The following CDH2 variants were observed in gnomAD, a reference collection of about 807,000 sequenced individuals.
CDH2 encodes the protein cadherin 2.
CDH2 carries 17 observed loss-of-function variants against 92.0 expected under a neutral mutation model. The observed-to-expected ratio is 0.18, with a 90% confidence interval of 0.13 to 0.28. The LOEUF is 0.28. CDH2 is among the 10% of genes least tolerant of loss of function. The probability of loss-of-function intolerance (pLI) is 1.00; values close to 1 mark genes in which losing one functional copy is unlikely to be tolerated. For synonymous variants in CDH2, 419 were observed against 415.9 expected (o/e 1.01, Z -0.09); for missense variants, 862 against 1,133.1 (o/e 0.76, Z 3.44).
intron 2 of CDH2, among the ~76,000 whole-genome samples, chr18:28,123,111 T>C (rs1394416507): frequency 1.3e-5 from 2 of 152,098 alleles, no homozygotes; most frequent in African/African-American, 4.8e-5. Flanking sequence ...AAAGCTGATA[T>C]CCCAAATAGT....
intron 6 of CDH2, among the ~76,000 whole-genome samples, chr18:27,945,616 C>T (rs1429330754): frequency 1.3e-5 from 2 of 151,914 alleles, no homozygotes; most frequent in East Asian, 3.9e-4. Context: ...GGAAAAGGAG[C>T]CTGGTTGTTG....
At chr18:28,001,385 C>T (rs1385447521) in intron 7 of CDH2, among the ~76,000 whole-genome samples, 1 of 152,138 alleles carries the variant, frequency 6.6e-6, no homozygotes, top group Non-Finnish European at 1.5e-5. Context: ...AGTCTCATTT[C>T]TGTATCTCAC....
chr18:28,074,329 G>A (rs1393560111), intron 2 of CDH2, among the ~76,000 whole-genome samples: 1 of 152,154 alleles, frequency 6.6e-6, no homozygotes, highest in Non-Finnish European at 1.5e-5. Flanking sequence ...CAGCATAACT[G>A]TGCAATGTTA....
intron 2 of CDH2, among the ~76,000 whole-genome samples, chr18:28,133,882 G>C (rs1489738879): frequency 6.6e-6 from 1 of 152,110 alleles, no homozygotes. Context: ...TTCTGGGCCA[G>C]GCACAGTGGT....
intron 13 of CDH2, among the ~76,000 whole-genome samples, chr18:27,983,368 G>C (rs2012122240): frequency 6.6e-6 from 1 of 152,110 alleles, no homozygotes. Context: ...CCATATATGG[G>C]GACAGTAACT....
In CDH2 at chr18:28,087,444, A is replaced by G. The variant is rs1014893560; in HGVS notation, c.172+60229T>C. On this transcript the variant is annotated intron_variant, in intron 2 of 15. Coordinates refer to ENST00000269141, the MANE Select transcript of CDH2 (RefSeq NM_001792.5). Reference sequence around the variant, plus strand: ...GCCAGAGCATTTTAAAATGCCCTCTATACATGACGGCATGCCAACACAAAC... The same window carrying G: ...GCCAGAGCATTTTAAAATGCCCTCTGTACATGACGGCATGCCAACACAAAC... Among the ~76,000 whole-genome samples the G allele has an allele frequency of 3.9e-5, 6 of 152,194 alleles. No homozygotes were observed. In the East Asian group the frequency reaches 7.7e-4, roughly 20 times the overall value.
chr18:28,008,290 G>A (rs143611863), intron 5 of CDH2, among the ~76,000 whole-genome samples: 27 of 152,184 alleles, frequency 1.8e-4, no homozygotes, highest in African/African-American at 6.0e-4. Flanking sequence ...TTTGTGAGAC[G>A]TTTGGAAGTT....
intron 2 of CDH2, among the ~76,000 whole-genome samples, chr18:28,126,317 G>C (rs961786315): frequency 1.3e-5 from 2 of 152,020 alleles, no homozygotes; most frequent in Admixed American, 6.6e-5. Context: ...AAATCAAAGT[G>C]AACTATTTAT....
intron 2 of CDH2, among the ~76,000 whole-genome samples, chr18:28,017,597 G>A (rs1480289026): frequency 6.6e-6 from 1 of 151,516 alleles, no homozygotes; most frequent in African/African-American, 2.4e-5. Flanking sequence ...ATCTTTTTTG[G>A]TTTCAACTGC....
At chr18:28,053,128 C>T (rs2014224861) in intron 2 of CDH2, among the ~76,000 whole-genome samples, 1 of 152,056 alleles carries the variant, frequency 6.6e-6, no homozygotes, top group African/African-American at 2.4e-5. Flanking sequence ...CTCAGACTTC[C>T]AGCCTTTAGA....
At chr18:28,000,636 T>C (rs1044604046) in intron 7 of CDH2, among the ~76,000 whole-genome samples, 1 of 152,088 alleles carries the variant, frequency 6.6e-6, no homozygotes, top group African/African-American at 2.4e-5. Context: ...CCAGGAATAC[T>C]ACCAGCAAGT....
At chr18:27,934,802 C>T (rs951747678) in intron 6 of CDH2, among the ~76,000 whole-genome samples, 13 of 152,156 alleles carry the variant, frequency 8.5e-5, no homozygotes, top group Non-Finnish European at 1.3e-4. Context: ...TATTTGGGCC[C>T]GGCAGACTCC....
chr18:28,088,876 G>C (rs923151397), intron 2 of CDH2, among the ~76,000 whole-genome samples: 1 of 152,080 alleles, frequency 6.6e-6, no homozygotes, highest in Non-Finnish European at 1.5e-5. Flanking sequence ...CAAATTCTAC[G>C]CTGGGTGTCA....
intron 13 of CDH2, 31 bp downstream of exon 13, chr18:27,984,969 C>G: frequency 6.5e-7 from 1 of 1,545,610 alleles, no homozygotes; most frequent in Non-Finnish European, 8.9e-7. Context: ...GCCAAGAGAA[C>G]TGAAATCTAA....
intron 14 of CDH2, among the ~76,000 whole-genome samples, chr18:27,977,567 C>T (rs2011876411): frequency 6.6e-6 from 1 of 152,032 alleles, no homozygotes; most frequent in South Asian, 2.1e-4. Flanking sequence ...TTTGTCTTGG[C>T]AGGAAGAATA....
In CDH2 at chr18:28,003,072, G is replaced by A. The variant is rs199661765; in HGVS notation, c.945C>T (p.Thr315=). The A allele has an allele frequency of 9.9e-6, 16 of 1,613,834 alleles. No homozygotes were observed. The highest frequency in any genetic ancestry group is 1.4e-5 in the Non-Finnish European group (16 of 1,179,942). ...TGATTGTAAACATGTTGGGTGAAGG[G>A]GTGCTTGGAGCCTGAGACACGATTC... ...RYRIVSQAPS[T]PSPNMFTINN... Residue 315 remains threonine (T), a synonymous_variant, in exon 7 of 16, where the codon ACC becomes ACT. Coordinates refer to ENST00000269141, the MANE Select transcript of CDH2 (RefSeq NM_001792.5).
intron 1 of CDH2, among the ~76,000 whole-genome samples, chr18:28,169,893 T>C (rs890880809): frequency 4.6e-5 from 7 of 152,242 alleles, no homozygotes; most frequent in African/African-American, 2.4e-5. Flanking sequence ...CTCATTCATA[T>C]ACTAAATGTT....
chr18:27,940,049 C>A (rs1213393225), intron 6 of CDH2, among the ~76,000 whole-genome samples: 7 of 152,214 alleles, frequency 4.6e-5, no homozygotes, highest in Non-Finnish European at 8.8e-5. Context: ...CAGTTGAGAA[C>A]CTTTGTTGAC....
intron 2 of CDH2, among the ~76,000 whole-genome samples, chr18:28,103,026 T>A (rs2015252063): frequency 6.6e-6 from 1 of 151,520 alleles, no homozygotes; most frequent in Non-Finnish European, 1.5e-5. Context: ...ATACTCTGTT[T>A]TCACTAGTTA....
Sources: allele counts gnomAD v4.1 joint callset (sites outside exome capture counted in the v4.1 genomes callset), GRCh38; gene constraint gnomAD v4.1.1; transcripts MANE v1.5; gene names NCBI Gene and HGNC (gene_info 2026-07-23, HGNC 2026-07-21).